Variants in DENND10 observed in about 807,000 individuals in gnomAD.
The protein encoded by DENND10 is DENN domain containing 10, also known as DENN domain-containing protein 10.
A neutral mutation model predicts 43.6 loss-of-function variants in DENND10; 24 were observed. The ratio of observed to expected loss-of-function variants is 0.55; its 90% confidence interval spans 0.40 to 0.77. DENND10 has a LOEUF of 0.77. DENND10 is among the 30% of genes least tolerant of loss of function. The probability of loss-of-function intolerance (pLI) is 0.00; values close to 1 mark genes in which losing one functional copy is unlikely to be tolerated. For synonymous variants in DENND10, 125 were observed against 157.6 expected, an observed-to-expected ratio of 0.79 and a Z score of 1.55; for missense variants, 303 against 429.9, an observed-to-expected ratio of 0.70 and a Z score of 2.61.
At chr10:119,108,645 T>C (rs1001948213) in intron 2 of DENND10, among the ~76,000 whole-genome samples, 3 of 151,918 alleles carry the variant, frequency 2.0e-5, no homozygotes, top group Non-Finnish European at 4.4e-5. Flanking sequence ...TATGTGGTCT[T>C]TTCCCCTTTT....
chr10:119,128,921 C>T (rs925547659), intron 6 of DENND10, among the ~76,000 whole-genome samples: 16 of 152,132 alleles, frequency 1.1e-4, no homozygotes, highest in Non-Finnish European at 1.3e-4. Context: ...ACCTCCGACC[C>T]GGCCCCACCT....
At chr10:119,129,673 C>T (rs777658230) in intron 7 of DENND10, 51 bp downstream of exon 7, 1 of 1,309,980 alleles carries the variant, frequency 7.6e-7, no homozygotes, top group Non-Finnish European at 1.1e-6. Flanking sequence ...AACAGTTGTA[C>T]ATTTTTAGGC....
chr10:119,130,997 CA>C (rs1303345044), intron 7 of DENND10, among the ~76,000 whole-genome samples: 1 of 152,160 alleles, frequency 6.6e-6, no homozygotes, highest in African/African-American at 2.4e-5. Context: ...AAAGGAGTAT[CA>C]AAAAATATGT....
At chr10:119,131,654 G>C (rs1214124874) in intron 7 of DENND10, among the ~76,000 whole-genome samples, 1 of 152,136 alleles carries the variant, frequency 6.6e-6, no homozygotes, top group Non-Finnish European at 1.5e-5. Context: ...TGTTAGATTC[G>C]ATTATGTGAG....
At chr10:119,109,221 A>AG (rs1339799860) in intron 2 of DENND10, among the ~76,000 whole-genome samples, 1 of 151,584 alleles carries the variant, frequency 6.6e-6, no homozygotes, top group African/African-American at 2.4e-5. Context: ...CGTCTCAAAA[A>AG]AAAAAAAAAA....
chr10:119,129,520 G>T lies in DENND10; in HGVS notation c.700G>T (p.Val234Phe), dbSNP rs149408474. The T allele has an allele frequency of 6.2e-7, 1 of 1,610,982 alleles. No individual in the cohort carries two copies. Among genetic ancestry groups the T allele is most frequent in the South Asian group, 1.1e-5 (1 of 91,020 alleles). Residue 234 changes from valine to phenylalanine, a missense_variant, in exon 7 of 9, where the codon GTC becomes TTC. Val to Phe is a conservative substitution (Grantham distance 50). Coordinates refer to ENST00000361432, the MANE Select transcript of DENND10 (RefSeq NM_207009.4). ...TGCTCATGTTTGTGATGCAGGTTAC[G>T]TCGCTGGATTTGTAGACTTGGAGGT... ...LEALQMCTGY[V>F]AGFVDLEVSN... is the part of the protein sequence containing the mutation.
Position 119,132,614 on chromosome 10 carries a change from C to T in DENND10, c.897+5C>T, listed in dbSNP as rs1212423993. The T allele has an allele frequency of 9.3e-6, 15 of 1,608,964 alleles. No individual in the cohort carries two copies. Among genetic ancestry groups the T allele is most frequent in the Admixed American group, 1.7e-5 (1 of 60,020 alleles). On this transcript the variant is annotated splice_donor_5th_base_variant and intron_variant, in intron 8 of 8. Transcript: ENST00000361432. The surrounding 1 kb of genome is among the most constrained non-coding windows in gnomAD (Gnocchi z 4.2). ...TCAGAGAGCCACGTTATACAGGTAA[C>T]TCCCTCACCTTCTGACTTACTGAAA...
intron 6 of DENND10, among the ~76,000 whole-genome samples, chr10:119,126,029 C>T (rs1564795686): frequency 6.6e-6 from 1 of 152,100 alleles, no homozygotes; most frequent in African/African-American, 2.4e-5. Flanking sequence ...ATTTTTAGCT[C>T]CCCCAGATTA....
At chr10:119,120,905 T>C (rs1414351176) in intron 5 of DENND10, among the ~76,000 whole-genome samples, 1 of 152,214 alleles carries the variant, frequency 6.6e-6, no homozygotes, top group African/African-American at 2.4e-5. Flanking sequence ...CTCTTTTTTT[T>C]TTCTTGTTTT....
At chr10:119,135,791 T>TAAAAAAAAAAAAAAAAAATAAAAAAAAAA (rs1846306638) in intron 8 of DENND10, among the ~76,000 whole-genome samples, 1 of 64,006 alleles carries the variant, frequency 1.6e-5, no homozygotes, top group Non-Finnish European at 2.8e-5. Context: ...ACTAAAATTG[T>TAAAAAAAAAAAAAAAAAATAAAAAAAAAA]AAAAAAAAAA....
At position 119,111,757 on chromosome 10, in the gene DENND10, G is replaced by A. The variant is rs903119640; in HGVS notation, c.253-92G>A. On this transcript the variant is annotated intron_variant, in intron 2 of 8. Coordinates refer to ENST00000361432, the MANE Select transcript of DENND10 (RefSeq NM_207009.4). ...GGTCTTTTTCTTTTAATACTGTTGT[G>A]TCTTATACAAAAGGTTTGTTAGAAT... is the stretch of plus-strand genomic sequence containing the variant. 4.0e-6 allele frequency: 4 copies of A among 993,974 alleles called. No individual in the cohort carries two copies. The African/African-American group carries it at 4.9e-5, about 12-fold the overall frequency. The allele number at this position is 993,974 out of a possible 1,614,324, so 61.6% of individuals were successfully genotyped here.
intron 1 of DENND10, 114 bp downstream of exon 1, chr10:119,104,311 G>C: frequency 2.0e-6 from 2 of 997,186 alleles, no homozygotes; most frequent in Non-Finnish European, 2.8e-6. Flanking sequence ...CATGAGGAGG[G>C]CGCGGCCCCC....
chr10:119,108,145 A>C lies in DENND10; in HGVS notation c.233A>C (p.Asp78Ala), dbSNP rs1209413087. ...TATATCACAACAATTGAAGTTCCAG[A>C]TTCTTCCATTTTGAAAAAGGTATGA... ...WFYITTIEVP[D>A]SSILKKVTHF... Residue 78 changes from aspartate to alanine, a missense_variant, in exon 2 of 9, where the codon GAT (aspartate) becomes GCT (alanine). By Grantham distance (126) the Asp-to-Ala change is moderately radical. Coordinates refer to ENST00000361432, the MANE Select transcript of DENND10 (RefSeq NM_207009.4). The C allele has an allele frequency of 2.5e-6, 4 of 1,611,652 alleles. No individual in the cohort carries two copies. In the South Asian group the frequency reaches 4.4e-5, roughly 18 times the overall value.
intron 4 of DENND10, among the ~76,000 whole-genome samples, chr10:119,118,184 G>A (rs141771492): frequency 2.6e-4 from 40 of 152,190 alleles, no homozygotes; most frequent in African/African-American, 9.6e-4. Flanking sequence ...ACACAAGAGG[G>A]TGCCTTTAAC....
intron 7 of DENND10, among the ~76,000 whole-genome samples, chr10:119,130,484 G>A (rs906315285): frequency 6.6e-6 from 1 of 152,140 alleles, no homozygotes; most frequent in Non-Finnish European, 1.5e-5. Context: ...TTTTACTTGA[G>A]ACAGGGTTTC....
chr10:119,114,013 A>T (rs1431731896), intron 3 of DENND10: 1 of 152,214 alleles, frequency 6.6e-6, no homozygotes, highest in Non-Finnish European at 1.5e-5. Context: ...TATGTTGCTC[A>T]ACTGAATTCA....
chr10:119,128,458 A>G (rs1349254649), intron 6 of DENND10, among the ~76,000 whole-genome samples: 1 of 145,930 alleles, frequency 6.9e-6, no homozygotes, highest in Admixed American at 6.8e-5. Flanking sequence ...AAATACAAAA[A>G]TTAGCCAGGC....
chr10:119,137,495 G>A lies in DENND10; in HGVS notation c.*848G>A, dbSNP rs1371895374. On this transcript the variant is annotated 3_prime_UTR_variant, in exon 9 of 9. Coordinates refer to ENST00000361432, the MANE Select transcript of DENND10 (RefSeq NM_207009.4). ...CTACAGGGGCCAAAACCAGAGAAAG[G>A]CTTCCAGCAACTTCGATGAAAGTAG... The A allele has an allele frequency of 1.2e-5, 2 of 166,942 alleles. No individual in the cohort carries two copies. Among genetic ancestry groups the A allele is most frequent in the African/African-American group, 4.8e-5 (2 of 41,400 alleles). The allele number at this position is 166,942 out of a possible 1,614,324, so 10.3% of individuals were successfully genotyped here.
At chr10:119,108,546 C>G (rs925102131) in intron 2 of DENND10, among the ~76,000 whole-genome samples, 2 of 150,936 alleles carry the variant, frequency 1.3e-5, no homozygotes, top group African/African-American at 4.9e-5. Context: ...CTCTGTTTCA[C>G]ACTTCACTCT....
Sources: gnomAD v4.1 joint callset for allele counts (sites outside exome capture counted in the v4.1 genomes callset) on GRCh38, gnomAD v4.1.1 for gene constraint, Gnocchi (gnomAD v3.1) non-coding constraint, MANE v1.5 for transcripts, NCBI Gene and HGNC (gene_info 2026-07-23, HGNC 2026-07-21) for gene names.